Variants in PCDH7 observed in about 807,000 individuals in gnomAD.
PCDH7 encodes the protein protocadherin 7, also known as protocadherin-7.
PCDH7 carries 17 observed loss-of-function variants against 58.9 expected under a neutral mutation model. That is an observed-to-expected ratio of 0.29 (90% CI 0.20 to 0.43). The LOEUF (loss-of-function observed/expected upper bound fraction) is 0.43. Ranked by LOEUF, PCDH7 falls within the 20% of genes least tolerant of loss-of-function variation. The pLI is 1.00. For missense variants in PCDH7, 1,274 were observed against 1,441.0 expected (o/e 0.88, Z 1.88); for synonymous variants, 664 against 616.4 (o/e 1.08, Z -1.14).
chr4:30,909,257 T>C (rs999527664), intron 1 of PCDH7, among the ~76,000 whole-genome samples: 1 of 152,200 alleles, frequency 6.6e-6, no homozygotes, highest in Non-Finnish European at 1.5e-5. Flanking sequence ...AGCATTCTGT[T>C]TGAAAAACGG....
intron 3 of PCDH7, among the ~76,000 whole-genome samples, chr4:31,126,454 G>A (rs146749200): frequency 7.9e-5 from 12 of 152,130 alleles, no homozygotes; most frequent in East Asian, 5.8e-4. Flanking sequence ...GCCACCTCAC[G>A]CAGGCAATTT....
At chr4:31,003,289 TAGCATCTTACC>T (rs1752502420) in intron 3 of PCDH7, among the ~76,000 whole-genome samples, 1 of 152,128 alleles carries the variant, frequency 6.6e-6, no homozygotes, top group African/African-American at 2.4e-5. Flanking sequence ...TCTTAAGTAG[TAGCATCTTACC>T]AAGAAATTTT....
At chr4:30,757,385 G>T (rs1187363869) in intron 1 of PCDH7, among the ~76,000 whole-genome samples, 1 of 152,190 alleles carries the variant, frequency 6.6e-6, no homozygotes, top group Non-Finnish European at 1.5e-5. Context: ...CGAACACCGT[G>T]AGCAGGGCAG....
chr4:31,081,172 T>A lies in PCDH7; in HGVS notation c.*8-61301T>A, dbSNP rs188035295. On this transcript the variant is annotated intron_variant, in intron 3 of 3. Transcript: ENST00000509759. ...AAGAAGAAAAACTCTAAATGGAATT[T>A]CTGGTATTTAAAATATGCATTCATA... Among the ~76,000 whole-genome samples the A allele has an allele frequency of 4.6e-5, 7 of 152,316 alleles. No homozygotes were observed. In the East Asian group the frequency reaches 1.2e-3, roughly 25 times the overall value.
intron 3 of PCDH7, among the ~76,000 whole-genome samples, chr4:30,985,709 A>G (rs1219172324): frequency 1.3e-5 from 2 of 152,216 alleles, no homozygotes; most frequent in Non-Finnish European, 2.9e-5. Flanking sequence ...ATCTACCTTC[A>G]GCTAACTCAT....
At chr4:30,729,328 A>G (rs1179953657) in intron 1 of PCDH7, among the ~76,000 whole-genome samples, 2 of 152,048 alleles carry the variant, frequency 1.3e-5, no homozygotes, top group Non-Finnish European at 2.9e-5. Flanking sequence ...ATATTTGGCT[A>G]TGAAGATTGA....
chr4:31,064,750 G>C (rs1324782497), intron 3 of PCDH7, among the ~76,000 whole-genome samples: 1 of 151,766 alleles, frequency 6.6e-6, no homozygotes, highest in East Asian at 1.9e-4. Flanking sequence ...TCTTAATTTA[G>C]CTAATTACCT....
At chr4:30,831,177 C>T (rs959879371) in intron 1 of PCDH7, among the ~76,000 whole-genome samples, 6 of 152,096 alleles carry the variant, frequency 3.9e-5, no homozygotes, top group Admixed American at 3.9e-4. Flanking sequence ...CTTCCACATC[C>T]TCTCCAACTG....
chr4:30,998,447 T>C (rs576834340), intron 3 of PCDH7, among the ~76,000 whole-genome samples: 106 of 152,192 alleles, frequency 7.0e-4, no homozygotes, highest in Non-Finnish European at 1.3e-3. Flanking sequence ...GACTGAGATA[T>C]AGATGAGAAT....
At chr4:30,916,063 C>T (rs1186271756) in intron 1 of PCDH7, among the ~76,000 whole-genome samples, 1 of 152,016 alleles carries the variant, frequency 6.6e-6, no homozygotes, top group Non-Finnish European at 1.5e-5. Flanking sequence ...TTTTGAGTTT[C>T]TTAAATGTGT....
At chr4:30,874,149 G>T (rs1182676725) in intron 1 of PCDH7, among the ~76,000 whole-genome samples, 1 of 151,928 alleles carries the variant, frequency 6.6e-6, no homozygotes, top group Non-Finnish European at 1.5e-5. Flanking sequence ...ATTCCTCAGG[G>T]ATCTAGAACT....
At chr4:30,730,793 C>T in exon 2 of PCDH7, 1 of 1,608,298 alleles carries the variant, frequency 6.2e-7, no homozygotes, top group Non-Finnish European at 8.5e-7. Context: ...GGCTGAATTC[C>T]ACTCTAATAT....
At chr4:30,867,856 G>A (rs974257237) in intron 1 of PCDH7, among the ~76,000 whole-genome samples, 3 of 151,996 alleles carry the variant, frequency 2.0e-5, no homozygotes, top group Admixed American at 2.0e-4. Flanking sequence ...CTCATTTTGA[G>A]AAACTAACAT....
intron 1 of PCDH7, among the ~76,000 whole-genome samples, chr4:30,909,367 A>G (rs1396329476): frequency 1.3e-5 from 2 of 152,180 alleles, no homozygotes; most frequent in Non-Finnish European, 2.9e-5. Context: ...ATGGTATTCA[A>G]ATAGAAAGAG....
At chr4:30,885,311 T>C (rs1242716282) in intron 1 of PCDH7, 3 of 152,184 alleles carry the variant, frequency 2.0e-5, no homozygotes, top group Non-Finnish European at 2.9e-5. Flanking sequence ...CTGTCACTTG[T>C]TAGTGTGAAA....
At chr4:30,879,716 C>G (rs1736724427) in intron 1 of PCDH7, among the ~76,000 whole-genome samples, 1 of 152,004 alleles carries the variant, frequency 6.6e-6, no homozygotes, top group Admixed American at 6.6e-5. Context: ...TATTCATAAC[C>G]CTGCCACTTG....
intron 1 of PCDH7, among the ~76,000 whole-genome samples, chr4:30,912,246 G>T (rs1348510323): frequency 3.3e-5 from 5 of 152,142 alleles, no homozygotes; most frequent in Non-Finnish European, 7.4e-5. Flanking sequence ...TCAGAGTTCT[G>T]CCAGATATAG....
Position 30,887,408 on chromosome 4 carries a change from C to G in PCDH7, c.71-32745C>G, listed in dbSNP as rs1159277256. 2.0e-5 allele frequency among the ~76,000 whole-genome samples: 3 copies of G among 152,150 alleles called. No homozygotes were observed. The South Asian group carries it at 6.2e-4, about 32-fold the overall frequency. On this transcript the variant is annotated intron_variant, in intron 1 of 3. Transcript: ENST00000509759. ...GTTTTCACTTGAAACATCTTTATAT[C>G]CTAAGAGTTCAGACTCAAACATAGT... is the stretch of plus-strand genomic sequence containing the variant.
At chr4:31,115,347 G>T (rs1335512913) in intron 3 of PCDH7, among the ~76,000 whole-genome samples, 1 of 151,748 alleles carries the variant, frequency 6.6e-6, no homozygotes, top group Non-Finnish European at 1.5e-5. Flanking sequence ...ATTATATTAT[G>T]GATAATTTTT....
Sources: gnomAD v4.1 joint callset for allele counts (sites outside exome capture counted in the v4.1 genomes callset) on GRCh38, gnomAD v4.1.1 for gene constraint, MANE v1.5 for transcripts, NCBI Gene and HGNC (gene_info 2026-07-23, HGNC 2026-07-21) for gene names.